SLC35F3: variants seen among roughly 807,000 people sequenced by gnomAD.
The protein encoded by SLC35F3 is solute carrier family 35 member F3.
In SLC35F3, 25 loss-of-function variants were observed where a neutral mutation model predicts 49.9. The ratio of observed to expected loss-of-function variants is 0.50; its 90% CI spans 0.37 to 0.70. The LOEUF is 0.70. SLC35F3 is among the 30% of genes least tolerant of loss of function. SLC35F3 has a pLI of 0.00. For missense variants in SLC35F3, 525 were observed against 639.8 expected, an observed-to-expected ratio of 0.82 and a Z score of 1.94; for synonymous variants, 275 against 265.4, an observed-to-expected ratio of 1.04 and a Z score of -0.35.
Position 234,149,635 on chromosome 1 carries a change from T to C in SLC35F3, c.284-81782T>C, listed in dbSNP as rs116807512. On this transcript the variant is annotated intron_variant, in intron 2 of 7. Transcript: ENST00000366618. ...TGAATTCCTGGACATCTGTTTCATA[T>C]GCTCTTTTCTTCCTGCCCTTAAAAA... 9.7e-4 allele frequency among the ~76,000 whole-genome samples: 147 copies of C among 152,296 alleles called. 2 individuals are homozygous for C. Among genetic ancestry groups the C allele is most frequent in the African/African-American group, 3.2e-3 (133 of 41,572 alleles).
At chr1:234,272,683 C>G (rs1463360215) in intron 3 of SLC35F3, among the ~76,000 whole-genome samples, 3 of 152,218 alleles carry the variant, frequency 2.0e-5, no homozygotes, top group Non-Finnish European at 2.9e-5. Flanking sequence ...TCTAGAACAG[C>G]ATTGGGTCTT....
At chr1:233,922,562 G>A (rs577691169) in intron 2 of SLC35F3, among the ~76,000 whole-genome samples, 1 of 149,938 alleles carries the variant, frequency 6.7e-6, no homozygotes, top group East Asian at 1.9e-4. Flanking sequence ...TTGTCAGATG[G>A]GTAGATTGCA....
At chr1:234,090,920 T>C (rs934346421) in intron 2 of SLC35F3, among the ~76,000 whole-genome samples, 3 of 152,218 alleles carry the variant, frequency 2.0e-5, no homozygotes, top group African/African-American at 7.2e-5. Context: ...TTTGGCAGGC[T>C]CAATCTGGTT....
rs145835583 is a variant in SLC35F3, at chr1:233,905,670, C to G, written c.195C>G (p.Ser65Arg). The change falls in exon 2 of 8, where the codon AGC (serine) becomes AGG (arginine). Residue 65 changes from serine to arginine, a missense_variant. Physicochemically the swap from Ser to Arg is moderately radical, Grantham distance 110. Coordinates refer to ENST00000366618, the MANE Select transcript of SLC35F3 (RefSeq NM_173508.4). The stretch of plus-strand genomic sequence containing the variant: ...CGCGCTCCGTGGAGGATCTCACCAG[C>G]GGGCCGGTGGGGCTCACGTCCATCG... ...KWSRSVEDLT[S>R]GPVGLTSIEE... is the part of the protein sequence containing the mutation. 3 of 1,614,188 alleles carry G rather than the reference C, an allele frequency of 1.9e-6. No homozygotes were observed. The Admixed American group carries it at 5.0e-5, about 27-fold the overall frequency.
intron 2 of SLC35F3, among the ~76,000 whole-genome samples, chr1:233,997,835 T>C (rs780400009): frequency 1.5e-4 from 23 of 152,200 alleles, no homozygotes; most frequent in Admixed American, 4.6e-4. Context: ...CACTGCAACC[T>C]CCGCCTCCCA....
At chr1:234,066,676 G>A (rs772327614) in intron 2 of SLC35F3, among the ~76,000 whole-genome samples, 4 of 151,840 alleles carry the variant, frequency 2.6e-5, no homozygotes, top group Non-Finnish European at 4.4e-5. Context: ...GAAGTTGGAC[G>A]AGGGCAAAGA....
At chr1:234,260,690 A>ACCCCTTCTAT (rs1667889563) in intron 3 of SLC35F3, among the ~76,000 whole-genome samples, 1 of 152,186 alleles carries the variant, frequency 6.6e-6, no homozygotes, top group Non-Finnish European at 1.5e-5. Flanking sequence ...CATCTATAGA[A>ACCCCTTCTAT]GGGGGATAAC....
intron 3 of SLC35F3, among the ~76,000 whole-genome samples, chr1:234,300,670 A>C (rs1246492632): frequency 1.3e-5 from 2 of 152,232 alleles, no homozygotes; most frequent in Admixed American, 6.5e-5. Flanking sequence ...TGTGTCAGGA[A>C]CACTTCACTG....
chr1:234,126,437 A>G (rs147336479), intron 2 of SLC35F3, among the ~76,000 whole-genome samples: 1 of 140,256 alleles, frequency 7.1e-6, no homozygotes, highest in East Asian at 1.9e-4. Context: ...CAACCAGGAT[A>G]TCGACATTGA....
intron 3 of SLC35F3, among the ~76,000 whole-genome samples, chr1:234,249,266 T>C (rs1307343152): frequency 6.6e-6 from 1 of 152,200 alleles, no homozygotes; most frequent in East Asian, 1.9e-4. Context: ...TCTGCTCAAG[T>C]TCTCTCTACC....
At chr1:234,285,781 C>G (rs749417584) in intron 3 of SLC35F3, among the ~76,000 whole-genome samples, 1 of 152,076 alleles carries the variant, frequency 6.6e-6, no homozygotes, top group African/African-American at 2.4e-5. Flanking sequence ...TGAGGGGTAG[C>G]GGGAGAATGT....
intron 2 of SLC35F3, among the ~76,000 whole-genome samples, chr1:234,179,034 T>A (rs535455169): frequency 6.6e-6 from 1 of 152,152 alleles, no homozygotes; most frequent in Non-Finnish European, 1.5e-5. Flanking sequence ...CAGAGAGGTG[T>A]GTGATGGCTC....
chr1:234,304,868 G>T (rs1466851860), intron 3 of SLC35F3, among the ~76,000 whole-genome samples: 1 of 151,914 alleles, frequency 6.6e-6, no homozygotes, highest in Admixed American at 6.6e-5. Flanking sequence ...CATAAAATAA[G>T]ATAGAGAAAG....
intron 2 of SLC35F3, among the ~76,000 whole-genome samples, chr1:233,949,766 C>G (rs1018579003): frequency 6.6e-6 from 1 of 152,044 alleles, no homozygotes; most frequent in Non-Finnish European, 1.5e-5. Flanking sequence ...GTCTGCTGTA[C>G]CGCTAAATTA....
At chr1:233,946,280 C>A (rs781511857) in intron 2 of SLC35F3, among the ~76,000 whole-genome samples, 1 of 152,170 alleles carries the variant, frequency 6.6e-6, no homozygotes, top group Non-Finnish European at 1.5e-5. Flanking sequence ...CAACAAGATT[C>A]TTTTATCTCC....
intron 2 of SLC35F3, among the ~76,000 whole-genome samples, chr1:233,912,340 T>C (rs771021570): frequency 6.6e-6 from 1 of 151,904 alleles, no homozygotes; most frequent in Non-Finnish European, 1.5e-5. Flanking sequence ...TAGACCGGCA[T>C]GGTGGTGGGC....
intron 4 of SLC35F3, 24 bp downstream of exon 4, chr1:234,309,344 C>T (rs1351087794): frequency 1.2e-6 from 2 of 1,605,152 alleles, no homozygotes; most frequent in East Asian, 2.2e-5. Flanking sequence ...TATCTGTCTT[C>T]CTCCCTCACT....
intron 2 of SLC35F3, among the ~76,000 whole-genome samples, chr1:233,979,790 G>A (rs1663150699): frequency 6.6e-6 from 1 of 152,190 alleles, no homozygotes; most frequent in Admixed American, 6.5e-5. Context: ...ATGCAGAAGG[G>A]TGATATGTAG....
At chr1:234,182,729 A>G (rs1171639627) in intron 2 of SLC35F3, among the ~76,000 whole-genome samples, 2 of 151,908 alleles carry the variant, frequency 1.3e-5, no homozygotes, top group Non-Finnish European at 2.9e-5. Context: ...TGCTAATTAC[A>G]TGATATTGTC....
Sources: allele counts gnomAD v4.1 joint callset (sites outside exome capture counted in the v4.1 genomes callset), GRCh38; gene constraint gnomAD v4.1.1; transcripts MANE v1.5; gene names NCBI Gene and HGNC (gene_info 2026-07-23, HGNC 2026-07-21).